The following PTPRD variants were observed in gnomAD, a reference collection of about 807,000 sequenced individuals.
PTPRD encodes protein tyrosine phosphatase receptor type D, also known as receptor-type tyrosine-protein phosphatase delta.
PTPRD carries 34 observed loss-of-function variants against 214.5 expected under a neutral mutation model. The observed-to-expected ratio is 0.16, with a 90% confidence interval of 0.12 to 0.21. The LOEUF is 0.21. PTPRD is among the 10% of genes least tolerant of loss of function. The probability of loss-of-function intolerance (pLI) is 1.00; values close to 1 mark genes in which losing one functional copy is unlikely to be tolerated. For missense variants in PTPRD, 2,545 were observed against 2,398.7 expected, an observed-to-expected ratio of 1.06 and a Z score of -1.27; for synonymous variants, 1,128 against 845.7, an observed-to-expected ratio of 1.33 and a Z score of -5.79.
At chr9:8,663,764 T>C (rs992947742) in intron 12 of PTPRD, among the ~76,000 whole-genome samples, 1 of 152,142 alleles carries the variant, frequency 6.6e-6, no homozygotes, top group Non-Finnish European at 1.5e-5. Flanking sequence ...ATGTTGGGAT[T>C]ACAGGTGTGA....
rs1335368820 is a variant in PTPRD, at chr9:8,359,114, AAAAAAAAACAAAAAAAAAAAAAAAC to A, written c.4661+16797_4661+16821del. Among the ~76,000 whole-genome samples, 3 of 14,504 alleles carry A rather than the reference AAAAAAAAACAAAAAAAAAAAAAAAC, an allele frequency of 2.1e-4. 1 individual carries two copies. The highest frequency in any genetic ancestry group is 3.5e-4 in the African/African-American group (3 of 8,670). The allele number at this position is 14,504 out of a possible 152,430, so 9.5% of individuals were successfully genotyped here. ...CAGAGCGAGACTCCGTCTCAAAAAA[AAAAAAAAACAAAAAAAAAAAAAAAC>A]AAAAAAAAATTGAATCAGATTTTAG... On this transcript the variant is annotated intron_variant, in intron 39 of 45. Coordinates refer to ENST00000381196, the MANE Select transcript of PTPRD (RefSeq NM_002839.4).
chr9:9,549,534 G>A (rs1163907228), intron 8 of PTPRD, among the ~76,000 whole-genome samples: 3 of 152,084 alleles, frequency 2.0e-5, no homozygotes, highest in African/African-American at 4.8e-5. Context: ...AACTGCTGGT[G>A]AAGATGTATT....
intron 10 of PTPRD, among the ~76,000 whole-genome samples, chr9:9,150,870 G>C (rs1302353040): frequency 1.3e-5 from 2 of 152,178 alleles, no homozygotes; most frequent in East Asian, 1.9e-4. Flanking sequence ...AGTAAGTTCA[G>C]TTAAATTTTC....
At chr9:9,526,371 A>T (rs182661703) in intron 8 of PTPRD, among the ~76,000 whole-genome samples, 29 of 152,294 alleles carry the variant, frequency 1.9e-4, no homozygotes, top group Non-Finnish European at 4.0e-4. Context: ...GGGTATGCCT[A>T]CCCACATGTT....
intron 34 of PTPRD, among the ~76,000 whole-genome samples, chr9:8,442,171 T>TA (rs2095568128): frequency 6.6e-6 from 1 of 152,224 alleles, no homozygotes; most frequent in Non-Finnish European, 1.5e-5. Flanking sequence ...GGTATTAATT[T>TA]AAAATGTTAA....
chr9:9,738,204 T>C (rs184541182), intron 6 of PTPRD, among the ~76,000 whole-genome samples: 3 of 152,244 alleles, frequency 2.0e-5, no homozygotes, highest in Admixed American at 1.3e-4. Flanking sequence ...TATACATATG[T>C]AACAAACCTG....
At chr9:9,009,443 G>C (rs984892920) in intron 11 of PTPRD, among the ~76,000 whole-genome samples, 3 of 151,870 alleles carry the variant, frequency 2.0e-5, no homozygotes, top group Non-Finnish European at 4.4e-5. Context: ...TTAAGTTCCA[G>C]GGTACATGTG....
chr9:9,252,402 C>A (rs1693232956), intron 9 of PTPRD, among the ~76,000 whole-genome samples: 1 of 151,998 alleles, frequency 6.6e-6, no homozygotes, highest in Non-Finnish European at 1.5e-5. Flanking sequence ...TGTACTTTTC[C>A]TGGCCACCTT....
At chr9:8,382,282 C>A (rs1461652594) in intron 37 of PTPRD, among the ~76,000 whole-genome samples, 3 of 152,128 alleles carry the variant, frequency 2.0e-5, no homozygotes, top group Non-Finnish European at 4.4e-5. Flanking sequence ...AACATTGGAC[C>A]CTAAACACTA....
At chr9:9,846,821 C>G (rs910625022) in intron 5 of PTPRD, among the ~76,000 whole-genome samples, 1 of 152,016 alleles carries the variant, frequency 6.6e-6, no homozygotes, top group Non-Finnish European at 1.5e-5. Flanking sequence ...TTTTGATTGA[C>G]TAAAAACTGC....
chr9:9,139,585 G>GCTTAGAAATTATAAATAGGCCGGA (rs2099856671), intron 10 of PTPRD, among the ~76,000 whole-genome samples: 1 of 150,844 alleles, frequency 6.6e-6, no homozygotes, highest in Non-Finnish European at 1.5e-5. Context: ...GGAATGGGTA[G>GCTTAGAAATTATAAATAGGCCGGA]CTTAGAAATT....
chr9:8,479,921 T>G (rs2096844852), intron 30 of PTPRD, among the ~76,000 whole-genome samples: 1 of 152,118 alleles, frequency 6.6e-6, no homozygotes, highest in Admixed American at 6.5e-5. Context: ...TCTCACACTA[T>G]CAGACTCAGA....
chr9:10,065,526 C>T (rs543708836), intron 3 of PTPRD, among the ~76,000 whole-genome samples: 2 of 151,782 alleles, frequency 1.3e-5, no homozygotes, highest in South Asian at 4.2e-4. Flanking sequence ...TTATAGTGCT[C>T]AACCATTTTC....
intron 10 of PTPRD, among the ~76,000 whole-genome samples, chr9:9,122,040 C>T (rs907601627): frequency 1.1e-4 from 17 of 152,138 alleles, no homozygotes; most frequent in Non-Finnish European, 2.2e-4. Flanking sequence ...TCCCTCTCTA[C>T]TCCACCCATA....
chr9:10,512,897 G>GA (rs35963359), intron 2 of PTPRD, among the ~76,000 whole-genome samples: 18 of 150,674 alleles, frequency 1.2e-4, no homozygotes, highest in East Asian at 1.2e-3. Flanking sequence ...AGAAAGGAAA[G>GA]AAAAAAAAAT....
At chr9:8,492,078 A>T (rs1225113481) in intron 27 of PTPRD, among the ~76,000 whole-genome samples, 2 of 152,178 alleles carry the variant, frequency 1.3e-5, no homozygotes, top group Non-Finnish European at 2.9e-5. Context: ...AAGAAACCTT[A>T]TTCTTTAGAG....
intron 3 of PTPRD, among the ~76,000 whole-genome samples, chr9:10,060,916 C>CTTT (rs1160588483): frequency 8.6e-6 from 1 of 115,660 alleles, no homozygotes; most frequent in Non-Finnish European, 1.6e-5. Flanking sequence ...TTCTTTCTTT[C>CTTT]TTTCTTTCTT....
chr9:9,611,122 T>G lies in PTPRD; in HGVS notation c.-286-36341A>C, dbSNP rs574002845. Among the ~76,000 whole-genome samples, 14 of 152,344 alleles carry G rather than the reference T, an allele frequency of 9.2e-5. 1 individual carries two copies. The South Asian group carries it at 2.9e-3, about 32-fold the overall frequency. On this transcript the variant is annotated intron_variant, in intron 7 of 45. Coordinates refer to ENST00000381196, the MANE Select transcript of PTPRD (RefSeq NM_002839.4). ...CAAATACAATACCTTTTAATATGGC[T>G]ACATGATGTACCATAATTCCTTCTG...
At chr9:9,082,339 A>C (rs1293224465) in intron 10 of PTPRD, among the ~76,000 whole-genome samples, 1 of 152,122 alleles carries the variant, frequency 6.6e-6, no homozygotes, top group Non-Finnish European at 1.5e-5. Flanking sequence ...TCACAAACAG[A>C]ACCAATGACA....
Sources: gnomAD v4.1 joint callset for allele counts (sites outside exome capture counted in the v4.1 genomes callset) on GRCh38, gnomAD v4.1.1 for gene constraint, MANE v1.5 for transcripts, NCBI Gene and HGNC (gene_info 2026-07-23, HGNC 2026-07-21) for gene names.